The following FANCC variants were observed in gnomAD, a reference collection of about 807,000 sequenced individuals.
The protein encoded by FANCC is FA complementation group C.
A neutral mutation model predicts 71.3 loss-of-function variants in FANCC; 55 were observed. The observed-to-expected ratio is 0.77, with a 90% CI of 0.62 to 0.97. FANCC has a LOEUF of 0.97. Ranked by LOEUF, FANCC falls within the 50% of genes least tolerant of loss-of-function variation. The pLI, the probability that FANCC is intolerant of heterozygous loss-of-function variation, is 0.00. For synonymous variants in FANCC, 275 were observed against 244.9 expected (o/e 1.12, Z -1.15); for missense variants, 678 against 670.9 (o/e 1.01, Z -0.12).
chr9:95,230,829 T>C (rs922248273), intron 4 of FANCC, among the ~76,000 whole-genome samples: 31 of 152,186 alleles, frequency 2.0e-4, no homozygotes, highest in Admixed American at 2.0e-3. Context: ...TCCTGCTGAT[T>C]AGTCCATTTT....
At chr9:95,278,214 A>T (rs1390999585) in intron 1 of FANCC, among the ~76,000 whole-genome samples, 1 of 152,204 alleles carries the variant, frequency 6.6e-6, no homozygotes, top group African/African-American at 2.4e-5. Flanking sequence ...GGTAATATGT[A>T]TAACAATAAT....
intron 4 of FANCC, among the ~76,000 whole-genome samples, chr9:95,189,463 C>A (rs1283017719): frequency 1.3e-5 from 2 of 152,154 alleles, no homozygotes; most frequent in African/African-American, 4.8e-5. Context: ...ACAGGTCCAA[C>A]CATAACAAAG....
intron 1 of FANCC, among the ~76,000 whole-genome samples, chr9:95,269,993 G>A (rs1217345356): frequency 5.9e-5 from 9 of 152,056 alleles, no homozygotes; most frequent in African/African-American, 1.9e-4. Flanking sequence ...ATCCTGCACC[G>A]CCCTTAATCC....
At chr9:95,123,975 C>T in intron 10 of FANCC, 5 of 357,694 alleles carry the variant, frequency 1.4e-5, no homozygotes, top group South Asian at 1.1e-4. Flanking sequence ...TGGTGACATG[C>T]ACCTGTGGTC....
intron 1 of FANCC, among the ~76,000 whole-genome samples, chr9:95,262,664 T>C (rs1169198136): frequency 6.6e-6 from 1 of 152,182 alleles, no homozygotes; most frequent in Non-Finnish European, 1.5e-5. Context: ...AAAGAGATAT[T>C]TGTACACCCA....
rs1554827151 is a variant in FANCC at position 95,101,816 on chromosome 9, A to G, written c.1568T>C (p.Ile523Thr). The G allele has an allele frequency of 3.1e-6, 5 of 1,614,000 alleles. No individual in the cohort carries two copies. Among genetic ancestry groups the G allele is most frequent in the African/African-American group, 1.3e-5 (1 of 74,948 alleles). Residue 523 changes from isoleucine (I) to threonine (T), a missense_variant, in exon 15 of 15, where the codon ATT (isoleucine) becomes ACT (threonine). Physicochemically the swap from Ile to Thr is moderately conservative, Grantham distance 89. Coordinates refer to ENST00000289081, the MANE Select transcript of FANCC (RefSeq NM_000136.3). Reference sequence around the variant, plus strand: ...GTACAAGGTCTGGTCAAGAAAGCCAATGATCTCGTGAGTTATCTCAGCAGT... The same window carrying G: ...GTACAAGGTCTGGTCAAGAAAGCCAGTGATCTCGTGAGTTATCTCAGCAGT... ...AHTAEITHEIIGFLDQTLYRW... is the reference protein window; with the variant it reads ...AHTAEITHEITGFLDQTLYRW...
chr9:95,255,284 G>GACAGACAC (rs1831592097), intron 1 of FANCC, among the ~76,000 whole-genome samples: 1 of 152,018 alleles, frequency 6.6e-6, no homozygotes, highest in Non-Finnish European at 1.5e-5. Context: ...AGCAGGGGTC[G>GACAGACAC]ACAGACACCT....
chr9:95,260,094 G>C (rs1831927730), intron 1 of FANCC, among the ~76,000 whole-genome samples: 1 of 152,216 alleles, frequency 6.6e-6, no homozygotes, highest in Admixed American at 6.5e-5. Flanking sequence ...CTGTTGGTGG[G>C]AGTGTAAATT....
At chr9:95,133,318 G>A (rs1459295565) in intron 8 of FANCC, among the ~76,000 whole-genome samples, 2 of 152,202 alleles carry the variant, frequency 1.3e-5, no homozygotes, top group Non-Finnish European at 2.9e-5. Context: ...GGCACAGAGA[G>A]GTCACATCCT....
chr9:95,112,553 C>T (rs1174484263), intron 12 of FANCC, among the ~76,000 whole-genome samples: 1 of 152,230 alleles, frequency 6.6e-6, no homozygotes, highest in African/African-American at 2.4e-5. Flanking sequence ...AGAGCTGATG[C>T]TCTGGAGGCC....
chr9:95,130,088 A>C (rs1045946035), intron 8 of FANCC, among the ~76,000 whole-genome samples: 3 of 152,172 alleles, frequency 2.0e-5, no homozygotes, highest in Admixed American at 2.0e-4. Flanking sequence ...GGGAGAGGCC[A>C]ACTTGTCACT....
At chr9:95,154,261 A>AG in intron 6 of FANCC, among the ~76,000 whole-genome samples, 1 of 151,372 alleles carries the variant, frequency 6.6e-6, no homozygotes, top group East Asian at 1.9e-4. Flanking sequence ...AAAAAAAAAA[A>AG]AAAAAAAAAA....
chr9:95,278,034 T>C lies in FANCC; in HGVS notation c.-78-28665A>G, dbSNP rs368165272. ...TAAAAATGAATTGCATAAAATGATA[T>C]GTACACACTGTACTGTTGGGCCTAT... On this transcript the variant is annotated intron_variant, in intron 1 of 14. Coordinates refer to ENST00000289081, the MANE Select transcript of FANCC (RefSeq NM_000136.3). Among the ~76,000 whole-genome samples, 10 of 152,328 alleles carry C rather than the reference T, an allele frequency of 6.6e-5. No homozygotes were observed. In the East Asian group the frequency reaches 1.9e-3, roughly 29 times the overall value.
chr9:95,208,443 T>C (rs1225357307), intron 4 of FANCC, among the ~76,000 whole-genome samples: 2 of 151,996 alleles, frequency 1.3e-5, no homozygotes, highest in Non-Finnish European at 2.9e-5. Context: ...TCTCCTACTA[T>C]GCCATTGCAA....
chr9:95,125,086 C>G lies in FANCC; in HGVS notation c.996G>C (p.Gln332His). Reference sequence around the variant, plus strand: ...GAGTAATATATGTGATATAACAAACCTGCTTGCTTGCTTTCTCCAGAGCTT... The same window carrying G: ...GAGTAATATATGTGATATAACAAACGTGCTTGCTTGCTTTCTCCAGAGCTT... The part of the protein sequence containing the change: ...FVEALEKASK[Q>H]LRFALKTYFP... The change falls in exon 10 of 15, where the codon CAG (glutamine) becomes CAC (histidine). Residue 332 changes from glutamine (Q) to histidine (H), a missense_variant and splice_region_variant. Gln to His is a conservative substitution (Grantham distance 24). Transcript: ENST00000289081. 1 of 1,613,680 alleles carries G rather than the reference C, an allele frequency of 6.2e-7. No individual in the cohort carries two copies. Among genetic ancestry groups the G allele is most frequent in the Non-Finnish European group, 8.5e-7 (1 of 1,179,560 alleles).
At chr9:95,114,797 T>C in intron 11 of FANCC, 87 bp from the exon 12 acceptor site, 1 of 1,108,106 alleles carries the variant, frequency 9.0e-7, no homozygotes, top group Non-Finnish European at 1.4e-6. Context: ...CTGAAGAGTC[T>C]TTGGGAGACG....
At chr9:95,244,905 C>T (rs967460973) in intron 3 of FANCC, among the ~76,000 whole-genome samples, 4 of 151,714 alleles carry the variant, frequency 2.6e-5, no homozygotes, top group Admixed American at 6.6e-5. Context: ...CTAGGGAAAG[C>T]GACTTATTGA....
chr9:95,117,996 A>G (rs1004335403), intron 10 of FANCC, among the ~76,000 whole-genome samples: 1 of 151,886 alleles, frequency 6.6e-6, no homozygotes, highest in Non-Finnish European at 1.5e-5. Context: ...TACTGGGATT[A>G]CAGTGAGCCA....
intron 10 of FANCC, among the ~76,000 whole-genome samples, chr9:95,120,048 A>AT (rs2072750943): frequency 1.3e-5 from 2 of 152,062 alleles, no homozygotes; most frequent in East Asian, 1.9e-4. Context: ...TAATTTATCC[A>AT]TTTTTTCCTA....
Sources: gnomAD v4.1 joint callset for allele counts (sites outside exome capture counted in the v4.1 genomes callset) on GRCh38, gnomAD v4.1.1 for gene constraint, MANE v1.5 for transcripts, NCBI Gene and HGNC (gene_info 2026-07-23, HGNC 2026-07-21) for gene names.